Variants in GPC3 observed in about 807,000 individuals in gnomAD.
The protein encoded by GPC3 is glypican 3, also known as glypican-3.
GPC3 carries 3 observed loss-of-function variants against 34.4 expected under a neutral mutation model. That is an observed-to-expected ratio of 0.09 (90% CI 0.04 to 0.23). The LOEUF is 0.23. Ranked by LOEUF, GPC3 falls within the 10% of genes least tolerant of loss-of-function variation. GPC3 has a pLI of 1.00. For synonymous variants in GPC3, 177 were observed against 174.0 expected (o/e 1.02, Z -0.13); for missense variants, 351 against 445.6 (o/e 0.79, Z 1.91).
At position 133,646,283 on chromosome X, in the gene GPC3, A is replaced by G. The variant is rs748736123; in HGVS notation, c.1413+15447T>C. Among the ~76,000 whole-genome samples the G allele has an allele frequency of 1.6e-4, 18 of 111,429 alleles. No individual in the cohort carries two copies. In the South Asian group the frequency reaches 6.5e-3, roughly 40 times the overall value. The stretch of plus-strand genomic sequence containing the variant: ...CCTGAAAGCACTGGTAATCGGCTAC[A>G]TAGAAGAGAGTTCAGGCCTAGTGAT... On this transcript the variant is annotated intron_variant, in intron 6 of 7. Transcript: ENST00000370818.
intron 2 of GPC3, among the ~76,000 whole-genome samples, chrX:133,766,938 C>T (rs2071853275): frequency 8.9e-6 from 1 of 112,074 alleles, no homozygotes; most frequent in African/African-American, 3.2e-5. Context: ...ATTATCAGAA[C>T]CACCCTGTGA....
intron 2 of GPC3, among the ~76,000 whole-genome samples, chrX:133,923,083 G>A (rs987245984): frequency 9.0e-6 from 1 of 110,881 alleles, no homozygotes; most frequent in Non-Finnish European, 1.9e-5. Flanking sequence ...CCAACAAGAA[G>A]CCTTACATTC....
At chrX:133,684,849 T>C (rs186199859) in intron 5 of GPC3, among the ~76,000 whole-genome samples, 1 of 111,106 alleles carries the variant, frequency 9.0e-6, no homozygotes, top group African/African-American at 3.3e-5. Flanking sequence ...TTTATATGTA[T>C]GTGTGAGTAT....
At chrX:133,751,871 CTT>C (rs1464442347) in intron 3 of GPC3, among the ~76,000 whole-genome samples, 2 of 110,565 alleles carry the variant, frequency 1.8e-5, no homozygotes, top group Non-Finnish European at 3.8e-5. Flanking sequence ...CTTTCTCTCT[CTT>C]GTTTTTTTTG....
intron 7 of GPC3, among the ~76,000 whole-genome samples, chrX:133,549,921 C>CCTTTCT (rs370225658): frequency 7.3e-4 from 75 of 103,401 alleles, no homozygotes; most frequent in Non-Finnish European, 9.3e-4. Context: ...TCTCTCTCTC[C>CCTTTCT]CTTTCTCTTT....
chrX:133,897,759 C>A (rs1178835085), intron 2 of GPC3, among the ~76,000 whole-genome samples: 1 of 111,339 alleles, frequency 9.0e-6, no homozygotes, highest in Non-Finnish European at 1.9e-5. Flanking sequence ...GGGTATCAGG[C>A]AACCCACCAA....
intron 2 of GPC3, among the ~76,000 whole-genome samples, chrX:133,940,863 T>C (rs367557027): frequency 8.1e-4 from 91 of 112,497 alleles, no homozygotes; most frequent in African/African-American, 2.7e-3. Context: ...TTGTTTTTCC[T>C]GTCTCTCTGT....
At chrX:133,654,895 GC>G (rs1226920120) in intron 6 of GPC3, among the ~76,000 whole-genome samples, 6 of 111,151 alleles carry the variant, frequency 5.4e-5, no homozygotes, top group Admixed American at 9.6e-5. Flanking sequence ...TCTTTCCATT[GC>G]TAACATGTCC....
At chrX:133,726,316 C>T (rs767202318) in intron 3 of GPC3, among the ~76,000 whole-genome samples, 5 of 111,532 alleles carry the variant, frequency 4.5e-5, no homozygotes, top group Non-Finnish European at 7.5e-5. Context: ...TCCCTTAGGA[C>T]ATTGTCTCAA....
chrX:133,958,724 CA>C (rs1180723052), intron 1 of GPC3, among the ~76,000 whole-genome samples: 130 of 76,449 alleles, frequency 1.7e-3, no homozygotes, highest in African/African-American at 5.4e-3. Context: ...AAAAAAAAAA[CA>C]AAAAAAAAAA....
chrX:133,907,771 C>T (rs2076176196), intron 2 of GPC3, among the ~76,000 whole-genome samples: 1 of 111,188 alleles, frequency 9.0e-6, no homozygotes, highest in Admixed American at 9.6e-5. Context: ...TTCAGGATGA[C>T]TTTTCTTAGG....
intron 2 of GPC3, among the ~76,000 whole-genome samples, chrX:133,770,746 C>T (rs888437926): frequency 8.9e-6 from 1 of 112,116 alleles, no homozygotes; most frequent in African/African-American, 3.2e-5. Flanking sequence ...TTTCAGAACT[C>T]TCTTTAGCAA....
chrX:133,567,547 T>A (rs2069593170), intron 7 of GPC3, among the ~76,000 whole-genome samples: 1 of 112,021 alleles, frequency 8.9e-6, no homozygotes, highest in Admixed American at 9.4e-5. Flanking sequence ...TCCATTTGAG[T>A]TCTCTGATCC....
chrX:133,899,632 A>G (rs757684590), intron 2 of GPC3, among the ~76,000 whole-genome samples: 7 of 110,884 alleles, frequency 6.3e-5, no homozygotes, highest in Non-Finnish European at 1.1e-4. Flanking sequence ...CCCACACTCC[A>G]CCACTACCCA....
intron 2 of GPC3, among the ~76,000 whole-genome samples, chrX:133,799,494 G>A (rs1031688380): frequency 9.0e-6 from 1 of 111,247 alleles, no homozygotes; most frequent in Non-Finnish European, 1.9e-5. Context: ...AGAATAGGTA[G>A]CCTATTGACT....
rs1294092326 is a variant in GPC3 at position 133,805,404 on chromosome X, G to A, written c.338-51228C>T. On this transcript the variant is annotated intron_variant, in intron 2 of 7. Transcript: ENST00000370818. ...GTAAAAGGGAGCAGGGGCAGCCTAG[G>A]ACTGGGGGACAGTGGAATATGAGGT... Among the ~76,000 whole-genome samples, 4 of 111,866 alleles carry A rather than the reference G, an allele frequency of 3.6e-5. No individual in the cohort carries two copies. In the South Asian group the frequency reaches 1.5e-3, roughly 42 times the overall value.
At chrX:133,540,946 G>C (rs1467283179) in intron 7 of GPC3, among the ~76,000 whole-genome samples, 1 of 107,961 alleles carries the variant, frequency 9.3e-6, no homozygotes, top group Non-Finnish European at 1.9e-5. Context: ...GTGTGTGTGT[G>C]TGTGTGTGTG....
intron 2 of GPC3, among the ~76,000 whole-genome samples, chrX:133,863,748 C>T (rs1318304433): frequency 2.0e-5 from 2 of 99,823 alleles, no homozygotes; most frequent in African/African-American, 4.0e-5. Context: ...CTCCGCTTCC[C>T]GGGTTCACGC....
At chrX:133,588,794 C>T (rs1381897203) in intron 7 of GPC3, among the ~76,000 whole-genome samples, 2 of 111,633 alleles carry the variant, frequency 1.8e-5, no homozygotes, top group African/African-American at 6.5e-5. Context: ...TACTTGAGAT[C>T]GTCGTTATTT....
Sources: allele counts gnomAD v4.1 joint callset (sites outside exome capture counted in the v4.1 genomes callset), GRCh38; gene constraint gnomAD v4.1.1; transcripts MANE v1.5; gene names NCBI Gene and HGNC (gene_info 2026-07-23, HGNC 2026-07-21).